Variants in PFKP observed in about 807,000 individuals in gnomAD.
PFKP encodes the protein ATP-dependent 6-phosphofructokinase, platelet type.
Under a neutral mutation model 94.3 loss-of-function variants are expected in PFKP, and 101 were observed. The ratio of observed to expected loss-of-function variants is 1.07; its 90% CI spans 0.91 to 1.26. The LOEUF (loss-of-function observed/expected upper bound fraction) is 1.26, where lower values mean the gene tolerates loss of function less well. PFKP is among the 50% of genes most tolerant of loss of function. PFKP has a pLI of 0.00. For missense variants in PFKP, 1,145 were observed against 1,103.3 expected (o/e 1.04, Z -0.53); for synonymous variants, 573 against 432.6 (o/e 1.32, Z -4.03).
intron 15 of PFKP, 128 bp from the exon 16 acceptor site, chr10:3,119,764 G>GGGTGT: frequency 1.5e-6 from 1 of 657,912 alleles, no homozygotes; most frequent in Admixed American, 2.8e-5. Flanking sequence ...TGATCTCGGA[G>GGGTGT]TGTTTTCGTG....
At chr10:3,089,711 T>C (rs1389841002) in intron 2 of PFKP, among the ~76,000 whole-genome samples, 1 of 150,034 alleles carries the variant, frequency 6.7e-6, no homozygotes, top group Non-Finnish European at 1.5e-5. Flanking sequence ...ACATATCGTA[T>C]ACAATGTTAT....
rs1289600073 is a variant in PFKP, at chr10:3,106,266, G to GTCAATCACACCA, written c.774+765_774+766insTCAATCACACCA. On this transcript the variant is annotated intron_variant, in intron 7 of 21. Transcript: ENST00000381125. ...CACCTGTGTGTCCTTCCCCATGGGA[G>GTCAATCACACCA]GCAGAAAGCATGGCGTGCACGGGGC... Among the ~76,000 whole-genome samples the GTCAATCACACCA allele has an allele frequency of 7.9e-3, 519 of 65,516 alleles. 4 individuals are homozygous for GTCAATCACACCA. Among genetic ancestry groups the GTCAATCACACCA allele is most frequent in the East Asian group, 0.024 (27 of 1,120 alleles). 43.0% of individuals were successfully genotyped at this position (65,516 alleles called of 152,430 possible).
chr10:3,099,159 T>A, intron 2 of PFKP, 116 bp from the exon 3 acceptor site: 5 of 801,490 alleles, frequency 6.2e-6, no homozygotes, highest in Non-Finnish European at 1.1e-5. Flanking sequence ...TTCTGACCAG[T>A]GGATGCTGAG....
chr10:3,094,155 G>A (rs1199137678), intron 2 of PFKP, among the ~76,000 whole-genome samples: 3 of 152,250 alleles, frequency 2.0e-5, no homozygotes, highest in African/African-American at 4.8e-5. Flanking sequence ...CTCAAGGTGG[G>A]GTTTGCTGTA....
intron 1 of PFKP, among the ~76,000 whole-genome samples, chr10:3,080,054 C>G (rs1298298193): frequency 6.6e-6 from 1 of 151,768 alleles, no homozygotes; most frequent in African/African-American, 2.4e-5. Flanking sequence ...GGAGGAAGAG[C>G]GTCCGAGCAA....
intron 3 of PFKP, chr10:3,101,131 C>G: frequency 1.2e-6 from 1 of 813,892 alleles, no homozygotes; most frequent in African/African-American, 1.7e-5. Context: ...GTGTCTGGCT[C>G]TGCACCCTCC....
At chr10:3,095,735 C>T (rs1268736297) in intron 2 of PFKP, among the ~76,000 whole-genome samples, 4 of 152,178 alleles carry the variant, frequency 2.6e-5, no homozygotes, top group African/African-American at 9.7e-5. Context: ...TGAATTTCTA[C>T]GTTGTAGTAC....
chr10:3,109,490 C>CA lies in PFKP; in HGVS notation c.1089+11dup, dbSNP rs1564315442. On this transcript the variant is annotated intron_variant, in intron 10 of 21. Transcript: ENST00000381125. ...GGAGTGCGTGCAGATGGTGAGTGGG[C>CA]AGCCCATGGCCAAGGGCAGGGCGGA... 1.2e-6 allele frequency: 2 copies of CA among 1,601,704 alleles called. No individual in the cohort carries two copies. The highest frequency in any genetic ancestry group is 1.7e-6 in the Non-Finnish European group (2 of 1,179,390).
chr10:3,116,833 C>G lies in PFKP; in HGVS notation c.1429C>G (p.Leu477Val). The G allele has an allele frequency of 6.2e-7, 1 of 1,611,478 alleles. No individual in the cohort carries two copies. The highest frequency in any genetic ancestry group is 8.5e-7 in the Non-Finnish European group (1 of 1,177,566). ...CTGGACCGGCCAAGGAGGCTCCATT[C>G]TTGGGACAAAACGGTAACTTCCAAA... ...GGWTGQGGSI[L>V]GTKRVLPGKY... Residue 477 changes from leucine (L) to valine (V), a missense_variant, in exon 14 of 22, where the codon CTT (leucine) becomes GTT (valine). By Grantham distance (32) the Leu-to-Val change is conservative (BLOSUM62 1). This residue lies in a region of PFKP where 1,119 missense variants were observed against 1,062.8 expected (regional missense o/e 1.05). Transcript: ENST00000381125.
intron 16 of PFKP, among the ~76,000 whole-genome samples, chr10:3,126,336 C>CT (rs939469823): frequency 3.3e-5 from 5 of 152,220 alleles, no homozygotes. Flanking sequence ...GGTGGTCTTG[C>CT]AGAGGCTGGC....
intron 14 of PFKP, among the ~76,000 whole-genome samples, chr10:3,118,372 G>A (rs999700600): frequency 1.3e-5 from 2 of 152,124 alleles, no homozygotes; most frequent in African/African-American, 4.8e-5. Flanking sequence ...GGAGGCTGAG[G>A]CACGAGAATC....
At chr10:3,081,518 T>C (rs1200724340) in intron 1 of PFKP, among the ~76,000 whole-genome samples, 6 of 152,218 alleles carry the variant, frequency 3.9e-5, no homozygotes, top group African/African-American at 2.4e-5. Flanking sequence ...GTGTTCCTCA[T>C]CCTTAAGCAG....
intron 14 of PFKP, among the ~76,000 whole-genome samples, chr10:3,117,773 T>C (rs1012699727): frequency 2.6e-5 from 4 of 152,254 alleles, no homozygotes; most frequent in Admixed American, 2.6e-4. Flanking sequence ...AGGTGCTTGA[T>C]AGGGCCAGGG....
chr10:3,112,760 G>T (rs1322058381), intron 11 of PFKP, among the ~76,000 whole-genome samples: 2 of 152,174 alleles, frequency 1.3e-5, no homozygotes, highest in Non-Finnish European at 2.9e-5. Flanking sequence ...TACAGACGGG[G>T]TTTCAACATG....
rs1031994855 is a variant in PFKP at position 3,107,385 on chromosome 10, G to C, written c.870+76G>C. On this transcript the variant is annotated intron_variant, in intron 8 of 21. Coordinates refer to ENST00000381125, the MANE Select transcript of PFKP (RefSeq NM_002627.5). ...GGAGGCTAGCGTCATGGGCAGGCTT[G>C]GTTTAGAACATTGAATTATTAACTT... 6.0e-6 allele frequency: 5 copies of C among 830,482 alleles called. No homozygotes were observed. In the Admixed American group the frequency reaches 6.9e-5, roughly 11 times the overall value. The allele number at this position is 830,482 out of a possible 1,614,324, so 51.4% of individuals were successfully genotyped here. A position where few individuals can be genotyped will look rare whatever the true frequency, so the allele number is the denominator to read the frequency against.
In PFKP at chr10:3,124,185, T is replaced by C. The variant is rs140139952; in HGVS notation, c.1683+4141T>C. On this transcript the variant is annotated intron_variant, in intron 16 of 21. Coordinates refer to ENST00000381125, the MANE Select transcript of PFKP (RefSeq NM_002627.5). ...CCAGGGAGGTGTGGGCGCCGCCCTG[T>C]GTCCCACCAGTAGCATTTCTGCAGC... 4.1e-4 allele frequency among the ~76,000 whole-genome samples: 62 copies of C among 152,270 alleles called. 1 individual carries two copies. The South Asian group carries it at 8.7e-3, about 21-fold the overall frequency.
At chr10:3,115,259 T>C (rs34441916) in intron 13 of PFKP, among the ~76,000 whole-genome samples, 30,895 of 70,324 alleles carry the variant, frequency 0.44, 8,307 homozygotes, top group African/African-American at 0.57. Context: ...CTGGGGATGC[T>C]GGGGTGAAAG....
In PFKP at chr10:3,074,858, C is replaced by T. The variant is rs539560620; in HGVS notation, c.112+7151C>T. Among the ~76,000 whole-genome samples the T allele has an allele frequency of 5.3e-5, 8 of 152,014 alleles. No homozygotes were observed. In the East Asian group the frequency reaches 5.8e-4, roughly 11 times the overall value. ...AGTCGGGGAGACCGTAACCCAGCGG[C>T]GCTAGAGGAATTAAAGACACACACA... On this transcript the variant is annotated intron_variant, in intron 1 of 21. Coordinates refer to ENST00000381125, the MANE Select transcript of PFKP (RefSeq NM_002627.5).
At chr10:3,126,883 G>T (rs943745786) in intron 16 of PFKP, among the ~76,000 whole-genome samples, 47 of 152,238 alleles carry the variant, frequency 3.1e-4, no homozygotes, top group African/African-American at 1.1e-3. Context: ...TCTGCTGGGG[G>T]CACATCCCAT....
Sources: gnomAD v4.1 joint callset for allele counts (sites outside exome capture counted in the v4.1 genomes callset) on GRCh38, gnomAD v4.1.1 for gene constraint, gnomAD v4.1.1 regional missense constraint, MANE v1.5 for transcripts, NCBI Gene and HGNC (gene_info 2026-07-23, HGNC 2026-07-21) for gene names.